The following KCMF1 variants were observed in gnomAD, a reference collection of about 807,000 sequenced individuals.
KCMF1 encodes E3 ubiquitin-protein ligase KCMF1.
In KCMF1, 3 loss-of-function variants were observed where a neutral mutation model predicts 41.1. The ratio of observed to expected loss-of-function variants is 0.07; its 90% CI spans 0.03 to 0.19. The LOEUF (loss-of-function observed/expected upper bound fraction) is 0.19. KCMF1 is among the 10% of genes least tolerant of loss of function. The pLI, the probability that KCMF1 is intolerant of heterozygous loss-of-function variation, is 1.00. For synonymous variants in KCMF1, 142 were observed against 164.5 expected, an observed-to-expected ratio of 0.86 and a Z score of 1.04; for missense variants, 286 against 488.9, an observed-to-expected ratio of 0.58 and a Z score of 3.91.
In KCMF1 at chr2:85,043,569, T is replaced by C; in HGVS notation, c.330T>C (p.Cys110=). Residue 110 remains cysteine, a synonymous_variant, in exon 4 of 7, where the codon TGT becomes TGC. Transcript: ENST00000409785. ...TTTCTTTACTTCCATTTCAGATTTG[T>C]CCAATATGTGCAGCGTTACCTGGAG... is the stretch of plus-strand genomic sequence containing the variant. ...EHAETSTEVI[C]PICAALPGGD... The C allele has an allele frequency of 6.2e-7, 1 of 1,600,616 alleles. No individual in the cohort carries two copies. Among genetic ancestry groups the C allele is most frequent in the South Asian group, 1.1e-5 (1 of 90,014 alleles).
intron 1 of KCMF1, among the ~76,000 whole-genome samples, chr2:85,002,208 A>C (rs1674352813): frequency 6.6e-6 from 1 of 152,208 alleles, no homozygotes; most frequent in African/African-American, 2.4e-5. Context: ...TTCAGTCTCC[A>C]GTATAAATAT....
chr2:85,047,584 T>C (rs1235586828), intron 5 of KCMF1, among the ~76,000 whole-genome samples: 1 of 147,384 alleles, frequency 6.8e-6, no homozygotes, highest in Non-Finnish European at 1.5e-5. Context: ...TTTAATAGCT[T>C]GGGAAAAATC....
intron 1 of KCMF1, among the ~76,000 whole-genome samples, chr2:84,983,464 C>G (rs1220039222): frequency 1.3e-5 from 2 of 151,938 alleles, no homozygotes; most frequent in Non-Finnish European, 2.9e-5. Context: ...GTGGATAGGA[C>G]TACAGACATG....
chr2:85,007,101 C>CA (rs764401140), intron 1 of KCMF1, among the ~76,000 whole-genome samples: 8,433 of 51,362 alleles, frequency 0.16, 543 homozygotes, highest in East Asian at 0.43. Flanking sequence ...AACTCAGTCT[C>CA]AAAAAAAAAA....
At chr2:84,988,316 A>G (rs1329675259) in intron 1 of KCMF1, among the ~76,000 whole-genome samples, 1 of 152,158 alleles carries the variant, frequency 6.6e-6, no homozygotes, top group Non-Finnish European at 1.5e-5. Flanking sequence ...ACTAATATTA[A>G]CCAAGCATCT....
rs554747208 is a variant in KCMF1 at position 84,975,125 on chromosome 2, G to A, written c.16+3658G>A. Among the ~76,000 whole-genome samples the A allele has an allele frequency of 2.8e-3, 430 of 152,180 alleles. 3 individuals carry two copies. Among genetic ancestry groups the A allele is most frequent in the African/African-American group, 9.6e-3 (400 of 41,530 alleles). On this transcript the variant is annotated intron_variant, in intron 1 of 6. Transcript: ENST00000409785. ...GCTATATAAAAGCTGGTGGTGGACC[G>A]GCCGTGGTGGCTCACGCTGAGGCAG...
intron 1 of KCMF1, among the ~76,000 whole-genome samples, chr2:84,992,871 C>T (rs564174524): frequency 6.6e-6 from 1 of 152,270 alleles, no homozygotes; most frequent in African/African-American, 2.4e-5. Flanking sequence ...CCGCCCGCCT[C>T]GGCCTCCCAA....
chr2:85,023,317 CTT>C (rs551221633), intron 1 of KCMF1, among the ~76,000 whole-genome samples: 7 of 125,190 alleles, frequency 5.6e-5, no homozygotes, highest in Admixed American at 1.8e-4. Flanking sequence ...TCTGAATAGC[CTT>C]TTTTTTTTTT....
chr2:85,011,835 C>T (rs564324136), intron 1 of KCMF1, among the ~76,000 whole-genome samples: 2 of 152,252 alleles, frequency 1.3e-5, no homozygotes, highest in African/African-American at 4.8e-5. Context: ...AGGGGGCTGT[C>T]CTGTGTTTTG....
intron 1 of KCMF1, among the ~76,000 whole-genome samples, chr2:84,982,469 TC>T (rs1000294462): frequency 7.6e-6 from 1 of 131,428 alleles, no homozygotes; most frequent in African/African-American, 2.8e-5. Flanking sequence ...TGGCGCAATC[TC>T]GGCTCACTGC....
At chr2:85,009,198 G>A (rs1216105930) in intron 1 of KCMF1, among the ~76,000 whole-genome samples, 2 of 152,118 alleles carry the variant, frequency 1.3e-5, no homozygotes, top group Non-Finnish European at 2.9e-5. Flanking sequence ...CTGGTTGTTT[G>A]AAAGTGTGTG....
At chr2:84,984,831 AAG>A (rs1388118847) in intron 1 of KCMF1, among the ~76,000 whole-genome samples, 1 of 152,034 alleles carries the variant, frequency 6.6e-6, no homozygotes, top group Non-Finnish European at 1.5e-5. Flanking sequence ...CTCAAAAAGA[AAG>A]AAAGAAAGAA....
At chr2:84,985,954 A>G (rs528698978) in intron 1 of KCMF1, among the ~76,000 whole-genome samples, 14 of 152,256 alleles carry the variant, frequency 9.2e-5, no homozygotes, top group Non-Finnish European at 1.5e-4. Flanking sequence ...ATACATATGT[A>G]ATGAAGCAAG....
chr2:85,013,479 C>T (rs553219877), intron 1 of KCMF1, among the ~76,000 whole-genome samples: 1 of 152,214 alleles, frequency 6.6e-6, no homozygotes, highest in African/African-American at 2.4e-5. Context: ...GTTTTCCTTT[C>T]CCTCAAACAG....
At chr2:85,037,473 G>C (rs1558583879) in intron 3 of KCMF1, among the ~76,000 whole-genome samples, 1 of 152,158 alleles carries the variant, frequency 6.6e-6, no homozygotes, top group Non-Finnish European at 1.5e-5. Flanking sequence ...CAGTTGTTAA[G>C]TGTTTTGAAT....
chr2:85,008,410 T>G (rs115623066), intron 1 of KCMF1, among the ~76,000 whole-genome samples: 3,111 of 58,300 alleles, frequency 0.053, 77 homozygotes, highest in African/African-American at 0.084. Context: ...TATATCATAT[T>G]ATATATTATG....
At position 85,032,619 on chromosome 2, in the gene KCMF1, C is replaced by T. The variant is rs547697362; in HGVS notation, c.185-2397C>T. On this transcript the variant is annotated intron_variant, in intron 2 of 6. Transcript: ENST00000409785. ...CTTGAGCTCCTGACCTTAGGTGATC[C>T]GCCCACCTTGGTCTGCCAAAGTGCT... is the stretch of plus-strand genomic sequence containing the variant. 3.3e-5 allele frequency among the ~76,000 whole-genome samples: 5 copies of T among 152,142 alleles called. No individual in the cohort carries two copies. In the East Asian group the frequency reaches 5.8e-4, roughly 18 times the overall value.
chr2:85,029,199 A>G (rs1358297497), intron 2 of KCMF1, among the ~76,000 whole-genome samples: 1 of 145,374 alleles, frequency 6.9e-6, no homozygotes, highest in Non-Finnish European at 1.5e-5. Flanking sequence ...CTTGACCTCA[A>G]GTTATCCACC....
rs1675991630 is a variant in KCMF1, at chr2:85,058,506, A to C, written c.*5097A>C. On this transcript the variant is annotated 3_prime_UTR_variant, in exon 7 of 7. Transcript: ENST00000409785. ...CTTTACTAACCACAGGGAACCTAGC[A>C]TCTGACTGTGTCCTTGGCAGACAGT... 2.0e-5 allele frequency: 3 copies of C among 152,284 alleles called. No homozygotes were observed. The highest frequency in any genetic ancestry group is 6.5e-5 in the Admixed American group (1 of 15,288). 9.4% of individuals were successfully genotyped at this position (152,284 alleles called of 1,614,324 possible).
Sources: allele counts gnomAD v4.1 joint callset (sites outside exome capture counted in the v4.1 genomes callset), GRCh38; gene constraint gnomAD v4.1.1; transcripts MANE v1.5; gene names NCBI Gene and HGNC (gene_info 2026-07-23, HGNC 2026-07-21).